The following PLCH1 variants were observed in gnomAD, a reference collection of about 807,000 sequenced individuals.
The protein encoded by PLCH1 is phospholipase C eta 1, also known as 1-phosphatidylinositol 4,5-bisphosphate phosphodiesterase eta-1.
Under a neutral mutation model 126.7 loss-of-function variants are expected in PLCH1, and 60 were observed. That is an observed-to-expected ratio of 0.47 (90% CI 0.38 to 0.59). The LOEUF (loss-of-function observed/expected upper bound fraction) is 0.59. Among genes scored for constraint, PLCH1 ranks in the 20% least tolerant of loss-of-function variants. PLCH1 has a pLI of 0.00. For synonymous variants in PLCH1, 719 were observed against 734.9 expected, an observed-to-expected ratio of 0.98 and a Z score of 0.35; for missense variants, 1,723 against 2,040.0, an observed-to-expected ratio of 0.84 and a Z score of 2.99.
chr3:155,594,219 C>A, intron 3 of PLCH1, 35 bp from the exon 4 acceptor site: 1 of 1,589,520 alleles, frequency 6.3e-7, no homozygotes, highest in Non-Finnish European at 8.6e-7. Flanking sequence ...AGTTATACAG[C>A]AGGCAAAGAT....
intron 2 of PLCH1, among the ~76,000 whole-genome samples, chr3:155,621,460 CT>C (rs1334079846): frequency 6.6e-6 from 1 of 152,098 alleles, no homozygotes; most frequent in Non-Finnish European, 1.5e-5. Context: ...TAACAAACCC[CT>C]CCAAGCTAAA....
intron 1 of PLCH1, among the ~76,000 whole-genome samples, chr3:155,719,602 T>A (rs1316115731): frequency 3.3e-5 from 5 of 152,046 alleles, no homozygotes; most frequent in Admixed American, 6.6e-5. Context: ...TGGAGTGAAT[T>A]AGGGGATTTG....
chr3:155,606,516 T>C (rs1417545706), intron 2 of PLCH1, among the ~76,000 whole-genome samples: 2 of 152,348 alleles, frequency 1.3e-5, no homozygotes, highest in East Asian at 1.9e-4. Context: ...TTTAGAGATA[T>C]AGTTTATGCT....
At chr3:155,564,661 C>T (rs1560172543) in intron 8 of PLCH1, among the ~76,000 whole-genome samples, 1 of 152,174 alleles carries the variant, frequency 6.6e-6, no homozygotes, top group Non-Finnish European at 1.5e-5. Context: ...TCTAGGAAGA[C>T]TTTAATTTTC....
chr3:155,707,083 C>T (rs1014052596), intron 1 of PLCH1, among the ~76,000 whole-genome samples: 2 of 152,138 alleles, frequency 1.3e-5, no homozygotes, highest in Middle Eastern at 3.2e-3. Context: ...CCTACCCTTC[C>T]ACCATATGAG....
At chr3:155,503,357 A>C (rs191680737) in intron 13 of PLCH1, among the ~76,000 whole-genome samples, 137 of 152,256 alleles carry the variant, frequency 9.0e-4, no homozygotes, top group Admixed American at 2.2e-3. Context: ...ATTTTGCTCA[A>C]CATCATGTTT....
intron 2 of PLCH1, among the ~76,000 whole-genome samples, chr3:155,654,164 C>G (rs934407631): frequency 6.6e-6 from 1 of 151,622 alleles, no homozygotes; most frequent in African/African-American, 2.4e-5. Context: ...CTCCTTGAAA[C>G]TCTTCCCTCC....
chr3:155,638,433 C>T (rs967297588), intron 2 of PLCH1, among the ~76,000 whole-genome samples: 11 of 152,302 alleles, frequency 7.2e-5, no homozygotes, highest in Non-Finnish European at 1.6e-4. Flanking sequence ...AAGAGAGAAT[C>T]GAAATTTGGT....
At chr3:155,627,002 A>G (rs905858103) in intron 2 of PLCH1, among the ~76,000 whole-genome samples, 1 of 152,142 alleles carries the variant, frequency 6.6e-6, no homozygotes, top group Non-Finnish European at 1.5e-5. Flanking sequence ...TCACAGAAGT[A>G]ACCAATAAAC....
At chr3:155,516,866 C>T (rs1364807694) in intron 11 of PLCH1, among the ~76,000 whole-genome samples, 2 of 151,998 alleles carry the variant, frequency 1.3e-5, no homozygotes, top group African/African-American at 4.8e-5. Context: ...CCAACACATC[C>T]CTGGATAATT....
intron 12 of PLCH1, among the ~76,000 whole-genome samples, chr3:155,513,671 T>C (rs551477854): frequency 3.2e-4 from 49 of 152,312 alleles, no homozygotes; most frequent in Non-Finnish European, 6.8e-4. Context: ...CAGAATTACA[T>C]GGTAAACTAT....
At chr3:155,610,643 T>G (rs1734956966) in intron 2 of PLCH1, among the ~76,000 whole-genome samples, 1 of 151,998 alleles carries the variant, frequency 6.6e-6, no homozygotes, top group African/African-American at 2.4e-5. Context: ...GGAAATAAAG[T>G]CTTTTTCAAA....
chr3:155,458,385 A>AGAAGGAAGGAAGGAAG (rs781003032), intron 21 of PLCH1, among the ~76,000 whole-genome samples: 2 of 38,858 alleles, frequency 5.1e-5, no homozygotes, highest in Non-Finnish European at 8.8e-5. Flanking sequence ...AAAGAAAGAA[A>AGAAGGAAGGAAGGAAG]GAAGGAAGGA....
rs1400730281 is a variant in PLCH1 at position 155,481,727 on chromosome 3, G to T, written c.4299C>A (p.Gly1433=). 3.1e-6 allele frequency: 5 copies of T among 1,614,052 alleles called. No individual in the cohort carries two copies. In the African/African-American group the frequency reaches 4.0e-5, roughly 13 times the overall value. The change falls in exon 23 of 23, where the codon GGC becomes GGA. Residue 1433 remains glycine, a synonymous_variant. Transcript: ENST00000460012. The surrounding 1 kb of genome is among the most constrained non-coding windows in gnomAD (Gnocchi z 4.2). ...SISYLAYQGA[G]FVHNHFSDSD... ...AATCTGAGAAATGATTATGCACAAAGCCAGCACCCTGATAGGCTAGATAAG... is the reference window on the plus strand; with the variant it reads ...AATCTGAGAAATGATTATGCACAAATCCAGCACCCTGATAGGCTAGATAAG...
chr3:155,636,068 CT>C (rs1370569589), intron 2 of PLCH1, among the ~76,000 whole-genome samples: 1 of 152,080 alleles, frequency 6.6e-6, no homozygotes, highest in Non-Finnish European at 1.5e-5. Context: ...TTCATCGTAT[CT>C]TTTTTAAGAG....
rs576432610 is a variant in PLCH1, at chr3:155,698,616, T to C, written c.79+5530A>G. On this transcript the variant is annotated intron_variant, in intron 2 of 22. Coordinates refer to ENST00000460012, the MANE Select transcript of PLCH1 (RefSeq NM_014996.4). The stretch of plus-strand genomic sequence containing the variant: ...TCGCATTTCTTAAAATTTTAGTGCT[T>C]AGAAACTTAGAGGTCATTTTCCATA... 5.3e-5 allele frequency among the ~76,000 whole-genome samples: 8 copies of C among 152,314 alleles called. No individual in the cohort carries two copies. The South Asian group carries it at 1.7e-3, about 32-fold the overall frequency.
intron 1 of PLCH1, among the ~76,000 whole-genome samples, chr3:155,734,447 G>A (rs1480910337): frequency 1.3e-5 from 2 of 152,106 alleles, no homozygotes; most frequent in Non-Finnish European, 2.9e-5. Flanking sequence ...GCAACAGAGT[G>A]AGACCCTATC....
intron 12 of PLCH1, among the ~76,000 whole-genome samples, chr3:155,505,453 A>T (rs1209659418): frequency 6.6e-6 from 1 of 152,222 alleles, no homozygotes; most frequent in East Asian, 1.9e-4. Flanking sequence ...GCCCTACCTG[A>T]CCAAGACTCC....
At chr3:155,578,931 C>T (rs1318531287) in intron 6 of PLCH1, among the ~76,000 whole-genome samples, 2 of 152,106 alleles carry the variant, frequency 1.3e-5, no homozygotes, top group Admixed American at 1.3e-4. Context: ...TCCCAATACC[C>T]AGAGGAAAGG....
Sources: allele counts gnomAD v4.1 joint callset (sites outside exome capture counted in the v4.1 genomes callset), GRCh38; gene constraint gnomAD v4.1.1; non-coding constraint Gnocchi (gnomAD v3.1); transcripts MANE v1.5; gene names NCBI Gene and HGNC (gene_info 2026-07-23, HGNC 2026-07-21).